The following GRM7 variants were observed in gnomAD, a reference collection of about 807,000 sequenced individuals.
The protein encoded by GRM7 is metabotropic glutamate receptor 7.
Under a neutral mutation model 84.5 loss-of-function variants are expected in GRM7, and 35 were observed. The observed-to-expected ratio is 0.41, with a 90% CI of 0.32 to 0.55. The LOEUF is 0.55. Ranked by LOEUF, GRM7 falls within the 20% of genes least tolerant of loss-of-function variation. The pLI is 0.19. For missense variants in GRM7, 1,003 were observed against 1,194.6 expected (o/e 0.84, Z 2.36); for synonymous variants, 487 against 455.1 (o/e 1.07, Z -0.89).
intron 2 of GRM7, among the ~76,000 whole-genome samples, chr3:7,229,658 A>G (rs1410769279): frequency 1.4e-5 from 2 of 145,302 alleles, no homozygotes; most frequent in African/African-American, 5.0e-5. Flanking sequence ...AGAAGAAAAC[A>G]GTGGTAGGAG....
intron 1 of GRM7, among the ~76,000 whole-genome samples, chr3:6,873,204 T>C (rs149058190): frequency 0.073 from 11,118 of 152,194 alleles, 522 homozygotes; most frequent in East Asian, 0.18. Flanking sequence ...CCTGAGTAGC[T>C]GGGATTACAG....
intron 3 of GRM7, among the ~76,000 whole-genome samples, chr3:7,301,730 C>T (rs1050345812): frequency 2.6e-5 from 4 of 152,116 alleles, no homozygotes; most frequent in African/African-American, 9.7e-5. Flanking sequence ...AATAATTATT[C>T]TTGAGCACAG....
chr3:7,243,423 A>G (rs1697635431), intron 2 of GRM7, among the ~76,000 whole-genome samples: 1 of 152,034 alleles, frequency 6.6e-6, no homozygotes, highest in East Asian at 1.9e-4. Context: ...GAAGATGACA[A>G]TCTCCTGGTG....
At chr3:6,976,174 A>T (rs1283045014) in intron 1 of GRM7, among the ~76,000 whole-genome samples, 1 of 152,156 alleles carries the variant, frequency 6.6e-6, no homozygotes, top group Non-Finnish European at 1.5e-5. Flanking sequence ...TTAGGAACCC[A>T]TGCTGTAGTT....
At chr3:7,020,009 C>T (rs988412196) in intron 1 of GRM7, among the ~76,000 whole-genome samples, 12 of 152,150 alleles carry the variant, frequency 7.9e-5, no homozygotes, top group Admixed American at 4.6e-4. Flanking sequence ...CATGCCACCA[C>T]GCCCAGCTAA....
chr3:6,894,757 C>T (rs1696112824), intron 1 of GRM7, among the ~76,000 whole-genome samples: 1 of 152,292 alleles, frequency 6.6e-6, no homozygotes, highest in South Asian at 2.1e-4. Context: ...AGCATTTCAA[C>T]TGGTCAGTCA....
At chr3:6,886,214 T>C (rs546133376) in intron 1 of GRM7, among the ~76,000 whole-genome samples, 1 of 152,192 alleles carries the variant, frequency 6.6e-6, no homozygotes, top group Non-Finnish European at 1.5e-5. Context: ...GTACATTCGA[T>C]CTGAAGGGTA....
At chr3:7,570,796 C>A (rs1280802346) in intron 7 of GRM7, among the ~76,000 whole-genome samples, 1 of 152,244 alleles carries the variant, frequency 6.6e-6, no homozygotes, top group Admixed American at 6.5e-5. Flanking sequence ...CCCTTCCGCA[C>A]TGCTCTAGCA....
intron 2 of GRM7, among the ~76,000 whole-genome samples, chr3:7,295,039 T>C (rs1320010792): frequency 1.3e-5 from 2 of 152,234 alleles, no homozygotes; most frequent in Non-Finnish European, 2.9e-5. Context: ...CGTTTTTCTT[T>C]ATAGATTGTA....
chr3:7,392,261 C>T (rs1428654031), intron 4 of GRM7, among the ~76,000 whole-genome samples: 1 of 152,218 alleles, frequency 6.6e-6, no homozygotes, highest in Non-Finnish European at 1.5e-5. Context: ...CTGTCTCTGG[C>T]TGCATGTCTG....
intron 8 of GRM7, among the ~76,000 whole-genome samples, chr3:7,606,257 CTT>C (rs146626058): frequency 1.3e-5 from 2 of 151,428 alleles, no homozygotes; most frequent in African/African-American, 4.9e-5. Flanking sequence ...TCTAGCTCCT[CTT>C]TTTTTTTATA....
chr3:6,949,190 G>T (rs1399825648), intron 1 of GRM7, among the ~76,000 whole-genome samples: 1 of 152,124 alleles, frequency 6.6e-6, no homozygotes, highest in African/African-American at 2.4e-5. Context: ...GCAGTGGCTG[G>T]TACCGGTTGT....
At chr3:7,673,233 C>A (rs1032950839) in intron 8 of GRM7, among the ~76,000 whole-genome samples, 1 of 152,148 alleles carries the variant, frequency 6.6e-6, no homozygotes, top group Non-Finnish European at 1.5e-5. Context: ...AAAAATGCTA[C>A]TAATAGACTA....
At chr3:7,205,212 G>C (rs1469052321) in intron 2 of GRM7, among the ~76,000 whole-genome samples, 1 of 152,140 alleles carries the variant, frequency 6.6e-6, no homozygotes, top group Non-Finnish European at 1.5e-5. Flanking sequence ...ATATGAACTG[G>C]GTAAATTGGT....
intron 1 of GRM7, among the ~76,000 whole-genome samples, chr3:6,955,352 C>CACTAGGTGTTGGTTGG (rs368054922): frequency 4.1e-4 from 63 of 152,194 alleles, no homozygotes; most frequent in African/African-American, 1.2e-3. Context: ...CCTGGTCCAA[C>CACTAGGTGTTGGTTGG]ACGGTGAAGC....
intron 9 of GRM7, among the ~76,000 whole-genome samples, chr3:7,683,341 T>A (rs988847722): frequency 2.0e-5 from 3 of 152,210 alleles, no homozygotes; most frequent in African/African-American, 7.2e-5. Context: ...GTCTTTGTTG[T>A]TGTTCTAGTG....
Position 7,687,460 on chromosome 3 carries a change from T to G in GRM7, c.2698+7165T>G, listed in dbSNP as rs538980160. ...CCACGTGGAACAGGGCATTCCAAAC[T>G]ATGGAAAAATATGCAGTAGAGAACA... On this transcript the variant is annotated intron_variant, in intron 9 of 9. Coordinates refer to ENST00000357716, the MANE Select transcript of GRM7 (RefSeq NM_000844.4). Among the ~76,000 whole-genome samples, 6 of 152,300 alleles carry G rather than the reference T, an allele frequency of 3.9e-5. No individual in the cohort carries two copies. In the South Asian group the frequency reaches 6.2e-4, roughly 16 times the overall value.
chr3:7,354,856 G>A (rs1299198145), intron 4 of GRM7, among the ~76,000 whole-genome samples: 2 of 152,214 alleles, frequency 1.3e-5, no homozygotes, highest in Non-Finnish European at 2.9e-5. Context: ...CGCATCAGGA[G>A]AAGTTTGCTT....
At chr3:7,128,760 C>T (rs750830964) in intron 1 of GRM7, among the ~76,000 whole-genome samples, 1 of 151,658 alleles carries the variant, frequency 6.6e-6, no homozygotes, top group Non-Finnish European at 1.5e-5. Context: ...CACCCACCTT[C>T]GCTTCCCAAA....
Sources: gnomAD v4.1 joint callset for allele counts (sites outside exome capture counted in the v4.1 genomes callset) on GRCh38, gnomAD v4.1.1 for gene constraint, MANE v1.5 for transcripts, NCBI Gene and HGNC (gene_info 2026-07-23, HGNC 2026-07-21) for gene names.